CHD2: variants seen among roughly 807,000 people sequenced by gnomAD.
The protein encoded by CHD2 is ATP-dependent chromatin remodeler CHD2.
CHD2 carries 28 observed loss-of-function variants against 243.9 expected under a neutral mutation model. The ratio of observed to expected loss-of-function variants is 0.11; its 90% CI spans 0.09 to 0.16. The LOEUF is 0.16. CHD2 is among the 10% of genes least tolerant of loss of function. The pLI is 1.00. For missense variants in CHD2, 1,386 were observed against 2,209.8 expected, an observed-to-expected ratio of 0.63 and a Z score of 7.47; for synonymous variants, 775 against 779.0, an observed-to-expected ratio of 0.99 and a Z score of 0.09.
rs1344880876 is a variant in CHD2, at chr15:92,998,647, T to C, written c.4008+26T>C. ...GTGAGTACGCTGCCAGCTGGTTGTTTTTCAGGGGCCTGAGGCTCCTACCCT... is the reference window on the plus strand; with the variant it reads ...GTGAGTACGCTGCCAGCTGGTTGTTCTTCAGGGGCCTGAGGCTCCTACCCT... On this transcript the variant is annotated intron_variant, in intron 31 of 38. Transcript: ENST00000394196. The surrounding 1 kb of genome is among the most constrained non-coding windows in gnomAD (Gnocchi z 5.1). 6.2e-7 allele frequency: 1 copy of C among 1,607,462 alleles called. No homozygotes were observed.
At chr15:92,934,453 C>T (rs977209393) in intron 5 of CHD2, among the ~76,000 whole-genome samples, 3 of 152,170 alleles carry the variant, frequency 2.0e-5, no homozygotes, top group Non-Finnish European at 4.4e-5. Flanking sequence ...GCCTCTAAAG[C>T]TGGATATTGT....
chr15:92,915,362 C>T (rs1039222038), intron 2 of CHD2, among the ~76,000 whole-genome samples: 2 of 152,070 alleles, frequency 1.3e-5, no homozygotes, highest in Non-Finnish European at 2.9e-5. Context: ...GCAAGCTCCG[C>T]CTCCCGGGTT....
intron 38 of CHD2, chr15:93,022,079 C>T (rs2054540896): frequency 6.6e-6 from 1 of 152,238 alleles, no homozygotes. Flanking sequence ...TAAAGAGCCT[C>T]ATTGCACTCT....
At chr15:93,001,800 A>G (rs144591170) in intron 32 of CHD2, among the ~76,000 whole-genome samples, 82 of 152,334 alleles carry the variant, frequency 5.4e-4, no homozygotes, top group African/African-American at 1.9e-3. Context: ...TATGAGCATG[A>G]GCCACTGTGC....
At chr15:93,017,492 ATTTTTTTTTTT>A (rs760713016) in intron 37 of CHD2, among the ~76,000 whole-genome samples, 14 of 96,826 alleles carry the variant, frequency 1.4e-4, no homozygotes, top group African/African-American at 3.2e-4. Flanking sequence ...TGCCGGGCTA[ATTTTTTTTTTT>A]TTTTTTTTTT....
At chr15:92,909,632 TCTCAGGTGGGATTTTCC>T (rs1335971911) in intron 2 of CHD2, among the ~76,000 whole-genome samples, 1 of 152,110 alleles carries the variant, frequency 6.6e-6, no homozygotes, top group Non-Finnish European at 1.5e-5. Context: ...GCAATCCCAG[TCTCAGGTGGGATTTTCC>T]CACCTCTGCC....
rs2052518660 is a variant in CHD2, at chr15:92,900,827, A to C, written c.-72+3A>C. 2.5e-6 allele frequency: 1 copy of C among 405,246 alleles called. No individual in the cohort carries two copies. The highest frequency in any genetic ancestry group is 4.4e-5 in the Admixed American group (1 of 22,718). 25.1% of individuals were successfully genotyped at this position (405,246 alleles called of 1,614,324 possible). ...TTTGGACATACTACATGGATCAGGT[A>C]AGTTCACGATCATTGGTGATAATTT... On this transcript the variant is annotated splice_donor_region_variant and intron_variant, in intron 1 of 38. Transcript: ENST00000394196.
In CHD2 at chr15:93,024,766, C is replaced by A; in HGVS notation, c.*61C>A. The A allele has an allele frequency of 7.1e-7, 1 of 1,402,158 alleles. No individual in the cohort carries two copies. The highest frequency in any genetic ancestry group is 1.4e-5 in the South Asian group (1 of 73,572). 86.9% of individuals were successfully genotyped at this position (1,402,158 alleles called of 1,614,324 possible). Reference sequence around the variant, plus strand: ...AACACGTGGATATTTTTGGTCTGATCCTACAGTAGCCGGTTATCTAGACCA... The same window carrying A: ...AACACGTGGATATTTTTGGTCTGATACTACAGTAGCCGGTTATCTAGACCA... On this transcript the variant is annotated 3_prime_UTR_variant, in exon 39 of 39. Transcript: ENST00000394196.
intron 13 of CHD2, among the ~76,000 whole-genome samples, chr15:92,952,632 C>T (rs1170459639): frequency 6.6e-6 from 1 of 152,168 alleles, no homozygotes; most frequent in Non-Finnish European, 1.5e-5. Flanking sequence ...GCACTAATGC[C>T]AGCAATGGGG....
chr15:92,944,173 C>G (rs1418858545), intron 9 of CHD2: 1 of 287,670 alleles, frequency 3.5e-6, no homozygotes, highest in East Asian at 5.7e-5. Context: ...CAGGACACAT[C>G]AGAGGCAGGT....
At chr15:92,996,837 AAATAAC>A (rs2054194716) in intron 28 of CHD2, 114 bp from the exon 29 acceptor site, 1 of 981,630 alleles carries the variant, frequency 1.0e-6, no homozygotes, top group African/African-American at 1.7e-5. Context: ...TATATCTTCA[AAATAAC>A]AATAAGCCAG....
intron 17 of CHD2, among the ~76,000 whole-genome samples, chr15:92,967,790 AC>A (rs1318774819): frequency 6.6e-6 from 1 of 151,986 alleles, no homozygotes; most frequent in South Asian, 2.1e-4. Context: ...CGGCCTCCCA[AC>A]GTTTTGTTGT....
intron 16 of CHD2, among the ~76,000 whole-genome samples, chr15:92,965,711 A>C (rs995922041): frequency 9.2e-5 from 14 of 152,294 alleles, no homozygotes; most frequent in Non-Finnish European, 1.6e-4. Context: ...AAACAAATAA[A>C]TGATACTTAT....
intron 5 of CHD2, among the ~76,000 whole-genome samples, chr15:92,930,919 C>T (rs569257337): frequency 6.6e-6 from 1 of 152,258 alleles, no homozygotes; most frequent in Admixed American, 6.5e-5. Flanking sequence ...TGTGTTTGGG[C>T]ACTGGGCTAG....
At chr15:92,904,075 T>C (rs1283265336) in intron 2 of CHD2, among the ~76,000 whole-genome samples, 1 of 152,202 alleles carries the variant, frequency 6.6e-6, no homozygotes, top group Non-Finnish European at 1.5e-5. Context: ...CCAAAGCCTA[T>C]TTCCTTCCCC....
chr15:92,973,725 C>G (rs1002034739), intron 19 of CHD2, among the ~76,000 whole-genome samples: 2 of 152,170 alleles, frequency 1.3e-5, no homozygotes, highest in African/African-American at 2.4e-5. Context: ...CCTAGGAAAT[C>G]CCGTGATACC....
chr15:93,002,056 A>T (rs1344100948), intron 32 of CHD2, 121 bp from the exon 33 acceptor site: 2 of 1,349,582 alleles, frequency 1.5e-6, no homozygotes, highest in East Asian at 2.6e-5. Flanking sequence ...TATTTGCTTG[A>T]AAACAAGCTT....
chr15:92,986,804 C>T (rs2054049443), intron 26 of CHD2, among the ~76,000 whole-genome samples: 1 of 152,198 alleles, frequency 6.6e-6, no homozygotes, highest in Non-Finnish European at 1.5e-5. Context: ...TAACCTCACA[C>T]TCCTGGGCTC....
rs751259857 is a variant in CHD2 at position 92,984,519 on chromosome 15, A to G, written c.3237+19A>G. ...TAAAAAGGTGATCAAGTGAGATGAA[A>G]GATATGAAATTATTTCTTATGTTGT... On this transcript the variant is annotated intron_variant, in intron 25 of 38. Coordinates refer to ENST00000394196, the MANE Select transcript of CHD2 (RefSeq NM_001271.4). The G allele has an allele frequency of 1.9e-6, 3 of 1,596,798 alleles. No homozygotes were observed. The highest frequency in any genetic ancestry group is 2.7e-5 in the African/African-American group (2 of 74,156).
Sources: gnomAD v4.1 joint callset for allele counts (sites outside exome capture counted in the v4.1 genomes callset) on GRCh38, gnomAD v4.1.1 for gene constraint, Gnocchi (gnomAD v3.1) non-coding constraint, MANE v1.5 for transcripts, NCBI Gene and HGNC (gene_info 2026-07-23, HGNC 2026-07-21) for gene names.